ARVCF: variants seen among roughly 807,000 people sequenced by gnomAD.
The protein encoded by ARVCF is ARVCF delta catenin family member, also known as splicing regulator ARVCF.
ARVCF carries 66 observed loss-of-function variants against 90.9 expected under a neutral mutation model. The ratio of observed to expected loss-of-function variants is 0.73; its 90% confidence interval spans 0.60 to 0.89. The LOEUF is 0.89. ARVCF is among the 40% of genes least tolerant of loss of function. The pLI is 0.00. For synonymous variants in ARVCF, 653 were observed against 603.4 expected, an observed-to-expected ratio of 1.08 and a Z score of -1.21; for missense variants, 1,469 against 1,382.3, an observed-to-expected ratio of 1.06 and a Z score of -1.00.
At chr22:19,986,821 A>G (rs9605043) in intron 3 of ARVCF, 146,326 of 412,730 alleles carry the variant, frequency 0.35, 27,680 homozygotes, top group African/African-American at 0.55. Flanking sequence ...AGGGGTCCCG[A>G]CCCCCCCAGG....
rs374797711 is a variant in ARVCF, at chr22:19,981,313, G to C, written c.794C>G (p.Thr265Arg). The C allele has an allele frequency of 3.8e-6, 6 of 1,599,624 alleles. No individual in the cohort carries two copies. The highest frequency in any genetic ancestry group is 2.3e-5 in the East Asian group (1 of 43,960). ...QAEPYGLEDD[T>R]RSLAADDEGG... is the part of the protein sequence containing the mutation. ...CTCGTCATCAGCGGCCAGGCTGCGCGTGTCATCCTCCAAGCCATACGGCTC... is the reference window on the plus strand; with the variant it reads ...CTCGTCATCAGCGGCCAGGCTGCGCCTGTCATCCTCCAAGCCATACGGCTC... Residue 265 changes from threonine (T) to arginine (R), a missense_variant, in exon 5 of 20, where the codon ACG becomes AGG. By Grantham distance (71) the Thr-to-Arg change is moderately conservative. Transcript: ENST00000263207.
intron 2 of ARVCF, among the ~76,000 whole-genome samples, chr22:19,991,475 A>C (rs950675717): frequency 6.6e-6 from 1 of 152,266 alleles, no homozygotes; most frequent in Non-Finnish European, 1.5e-5. Flanking sequence ...AACTGAGGAC[A>C]AGCCTGGTTG....
At chr22:19,967,718 G>A (rs142164354), downstream of ARVCF, 163 of 260,920 alleles carry the variant, frequency 6.2e-4, 5 homozygotes, top group East Asian at 0.017. Flanking sequence ...CTTTTGTTTG[G>A]TGACTAAGTC....
chr22:19,996,905 A>G (rs1197414981), intron 2 of ARVCF, among the ~76,000 whole-genome samples: 1 of 152,204 alleles, frequency 6.6e-6, no homozygotes, highest in Non-Finnish European at 1.5e-5. Context: ...GGTTGGGTAG[A>G]GGGACAGAGA....
downstream of ARVCF, chr22:19,965,426 C>G (rs1162127211): frequency 6.6e-6 from 1 of 152,222 alleles, no homozygotes; most frequent in Non-Finnish European, 1.5e-5. Flanking sequence ...ACTGCAACCT[C>G]CACCTCTTGG....
chr22:20,011,966 G>A (rs1390379221), intron 1 of ARVCF, among the ~76,000 whole-genome samples: 1 of 151,956 alleles, frequency 6.6e-6, no homozygotes, highest in Non-Finnish European at 1.5e-5. Context: ...ACTCTACCAG[G>A]TGTCTCAGGT....
chr22:20,002,113 G>C (rs1234951711), intron 2 of ARVCF, among the ~76,000 whole-genome samples: 1 of 152,224 alleles, frequency 6.6e-6, no homozygotes, highest in Admixed American at 6.5e-5. Flanking sequence ...TACGTCCAAC[G>C]GGGCTATCAG....
Position 19,972,908 on chromosome 22 carries a change from G to C in ARVCF, c.2550+17C>G. The C allele has an allele frequency of 6.2e-7, 1 of 1,613,852 alleles. No individual in the cohort carries two copies. Among genetic ancestry groups the C allele is most frequent in the Non-Finnish European group, 8.5e-7 (1 of 1,180,008 alleles). On this transcript the variant is annotated intron_variant, in intron 15 of 19. Coordinates refer to ENST00000263207, the MANE Select transcript of ARVCF (RefSeq NM_001670.3). Reference sequence around the variant, plus strand: ...CAAAGTGAGCAGGGAATGGAAGGAAGGCCAGGGAAGCCGCACCTGGAAGCG... The same window carrying C: ...CAAAGTGAGCAGGGAATGGAAGGAACGCCAGGGAAGCCGCACCTGGAAGCG...
chr22:20,001,517 C>T (rs906826538), intron 2 of ARVCF, among the ~76,000 whole-genome samples: 3 of 152,218 alleles, frequency 2.0e-5, no homozygotes, highest in African/African-American at 7.2e-5. Context: ...TGAAAAGGAG[C>T]TGCTGGCTGG....
intron 1 of ARVCF, among the ~76,000 whole-genome samples, chr22:20,013,469 C>T (rs1335476294): frequency 2.0e-5 from 3 of 152,220 alleles, no homozygotes; most frequent in Non-Finnish European, 2.9e-5. Flanking sequence ...TCCAACTCCA[C>T]GCCCTCAATA....
At chr22:19,996,429 A>G (rs922692718) in intron 2 of ARVCF, among the ~76,000 whole-genome samples, 1 of 152,192 alleles carries the variant, frequency 6.6e-6, no homozygotes, top group Non-Finnish European at 1.5e-5. Flanking sequence ...CGTTACTCGC[A>G]GACCATGACT....
chr22:19,970,154 CA>C lies in ARVCF; in HGVS notation c.*601del, dbSNP rs1942668920. On this transcript the variant is annotated 3_prime_UTR_variant, in exon 20 of 20. Coordinates refer to ENST00000263207, the MANE Select transcript of ARVCF (RefSeq NM_001670.3). ...AAGGCTCTCTACTGCACAGGGGCCT[CA>C]CGTGACTGCAGGGCTCTGGGGAGGT... The C allele has an allele frequency of 1.0e-6, 1 of 986,598 alleles. No homozygotes were observed. Among genetic ancestry groups the C allele is most frequent in the African/African-American group, 1.7e-5 (1 of 57,242 alleles). The allele number at this position is 986,598 out of a possible 1,614,324, so 61.1% of individuals were successfully genotyped here.
chr22:19,986,941 G>A (rs1943805091), intron 3 of ARVCF: 1 of 550,210 alleles, frequency 1.8e-6, no homozygotes, highest in Non-Finnish European at 3.3e-6. Context: ...AGCCCAGCCA[G>A]GGGCGCAAGA....
chr22:19,971,392 G>A, intron 18 of ARVCF, 57 bp from the exon 19 acceptor site: 5 of 1,514,998 alleles, frequency 3.3e-6, no homozygotes, highest in Non-Finnish European at 4.4e-6. Flanking sequence ...TAGAGCTCCT[G>A]GGGGGACAGG....
chr22:20,000,949 G>A (rs750694713), intron 2 of ARVCF, among the ~76,000 whole-genome samples: 11 of 152,118 alleles, frequency 7.2e-5, no homozygotes, highest in Non-Finnish European at 1.3e-4. Flanking sequence ...GTGGCAGAGC[G>A]TGAATGAACT....
chr22:19,985,228 G>C (rs1287510697), intron 3 of ARVCF, among the ~76,000 whole-genome samples: 1 of 152,076 alleles, frequency 6.6e-6, no homozygotes, highest in East Asian at 1.9e-4. Context: ...TCCCCAGCTG[G>C]GGCCCCATCC....
intron 1 of ARVCF, among the ~76,000 whole-genome samples, chr22:20,013,186 T>C (rs913676109): frequency 1.2e-4 from 18 of 152,186 alleles, no homozygotes; most frequent in African/African-American, 3.4e-4. Flanking sequence ...CAAAACCGAG[T>C]GTTCTCCTAG....
chr22:19,977,450 TC>T lies in ARVCF; in HGVS notation c.1834del (p.Asp612MetfsTer32), dbSNP rs1569155547. The T allele has an allele frequency of 6.4e-7, 1 of 1,553,578 alleles. No individual in the cohort carries two copies. Among genetic ancestry groups the T allele is most frequent in the East Asian group, 2.3e-5 (1 of 43,388 alleles). On this transcript the variant is annotated frameshift_variant, in exon 9 of 20. Coordinates refer to ENST00000263207, the MANE Select transcript of ARVCF (RefSeq NM_001670.3). LOFTEE classifies it high-confidence loss of function. ...CTTGCCTCCAAAGCAGCTGGCATCA[TC>T]CCGCCTCCGGCGCTGGGAGCCTACA... ...SAVGSQRRRR[D>X]DASCFGGKKA...
At chr22:20,015,830 C>T (rs746078572) in intron 1 of ARVCF, among the ~76,000 whole-genome samples, 4 of 151,992 alleles carry the variant, frequency 2.6e-5, no homozygotes, top group South Asian at 2.1e-4. Flanking sequence ...TCCTTTAGTT[C>T]CATTTTAAGT....
Sources: gnomAD v4.1 joint callset for allele counts (sites outside exome capture counted in the v4.1 genomes callset) on GRCh38, gnomAD v4.1.1 for gene constraint, MANE v1.5 for transcripts, NCBI Gene and HGNC (gene_info 2026-07-23, HGNC 2026-07-21) for gene names.